Variants in KCTD2 observed in about 807,000 individuals in gnomAD.
KCTD2 encodes the protein BTB/POZ domain-containing protein KCTD2.
KCTD2 carries 18 observed loss-of-function variants against 27.9 expected under a neutral mutation model. The ratio of observed to expected loss-of-function variants is 0.64; its 90% CI spans 0.45 to 0.96. The LOEUF is 0.96. KCTD2 is among the 40% of genes least tolerant of loss of function. The pLI, the probability that KCTD2 is intolerant of heterozygous loss-of-function variation, is 0.00. For synonymous variants in KCTD2, 175 were observed against 148.4 expected, an observed-to-expected ratio of 1.18 and a Z score of -1.30; for missense variants, 280 against 348.0, an observed-to-expected ratio of 0.80 and a Z score of 1.56.
chr17:75,063,359 A>T lies in KCTD2; in HGVS notation c.*312A>T. 3 of 409,272 alleles carry T rather than the reference A, an allele frequency of 7.3e-6. No homozygotes were observed. In the Admixed American group the frequency reaches 1.1e-4, roughly 14 times the overall value. 25.4% of individuals were successfully genotyped at this position (409,272 alleles called of 1,614,324 possible). ...TCGGAGCCTTTCGGGGATCTGGGGGATGAGGGCGGAAGGCCTAGCTCCTTG... is the reference window on the plus strand; with the variant it reads ...TCGGAGCCTTTCGGGGATCTGGGGGTTGAGGGCGGAAGGCCTAGCTCCTTG... On this transcript the variant is annotated 3_prime_UTR_variant, in exon 6 of 6. Coordinates refer to ENST00000322444, the MANE Select transcript of KCTD2 (RefSeq NM_015353.3).
chr17:75,060,497 G>C, intron 4 of KCTD2: 1 of 1,612,216 alleles, frequency 6.2e-7, no homozygotes, highest in Non-Finnish European at 8.5e-7. Flanking sequence ...GAACTAACCA[G>C]ACAACAGCGC....
chr17:75,047,357 C>T lies in KCTD2; in HGVS notation c.107C>T (p.Pro36Leu), dbSNP rs929288679. 9.7e-6 allele frequency: 11 copies of T among 1,137,506 alleles called. No individual in the cohort carries two copies. The Admixed American group carries it at 4.4e-4, about 45-fold the overall frequency. 70.5% of individuals were successfully genotyped at this position (1,137,506 alleles called of 1,614,324 possible). Residue 36 changes from proline (P) to leucine (L), a missense_variant, in exon 1 of 6, where the codon CCG becomes CTG. Physicochemically the swap from Pro to Leu is moderately conservative, Grantham distance 98 (BLOSUM62 -3). Coordinates refer to ENST00000322444, the MANE Select transcript of KCTD2 (RefSeq NM_015353.3). Reference sequence around the variant, plus strand: ...GTCCGCGGGCCCCCCAGCCCACGCCCGGCTGGCCCCACGCCCCGCGGGCAC... The same window carrying T: ...GTCCGCGGGCCCCCCAGCCCACGCCTGGCTGGCCCCACGCCCCGCGGGCAC... Reference protein sequence around the residue: ...GPVRGPPSPRPAGPTPRGHGR... With the variant: ...GPVRGPPSPRLAGPTPRGHGR...
In KCTD2 at chr17:75,063,045, TA is replaced by T; in HGVS notation, c.*1del. 3.7e-6 allele frequency: 6 copies of T among 1,613,854 alleles called. No individual in the cohort carries two copies. Among genetic ancestry groups the T allele is most frequent in the Non-Finnish European group, 5.1e-6 (6 of 1,179,932 alleles). ...KILQERGSRM[*>X] ...TCTTCAGGAGAGAGGATCGCGGATG[TA>T]AACTAAGACCCCGAAAACTCCAGAC... On this transcript the variant is annotated frameshift_variant and stop_lost, in exon 6 of 6. Coordinates refer to ENST00000322444, the MANE Select transcript of KCTD2 (RefSeq NM_015353.3). LOFTEE classifies it high-confidence loss of function.
intron 3 of KCTD2, among the ~76,000 whole-genome samples, chr17:75,058,198 G>A (rs2073368473): frequency 6.6e-6 from 1 of 151,988 alleles, no homozygotes; most frequent in Non-Finnish European, 1.5e-5. Context: ...GTGGTGGGCG[G>A]CTGTAATCCC....
intron 3 of KCTD2, among the ~76,000 whole-genome samples, chr17:75,038,619 A>G (rs1213618997): frequency 6.6e-6 from 1 of 152,228 alleles, no homozygotes; most frequent in African/African-American, 2.4e-5. Flanking sequence ...GAAGAGAATC[A>G]GCAGATAACA....
chr17:75,037,850 C>G (rs747050476), intron 3 of KCTD2, among the ~76,000 whole-genome samples: 1 of 152,056 alleles, frequency 6.6e-6, no homozygotes, highest in African/African-American at 2.4e-5. Flanking sequence ...GAGATCGAGA[C>G]CATCCTGGCT....
intron 3 of KCTD2, chr17:75,039,399 G>A (rs1024053530): frequency 5.2e-6 from 4 of 775,282 alleles, no homozygotes; most frequent in Non-Finnish European, 6.4e-6. Flanking sequence ...TGGTTACCCT[G>A]AGTGGGGGCG....
chr17:75,042,355 T>C (rs2073170027), upstream of KCTD2: 3 of 1,535,242 alleles, frequency 2.0e-6, no homozygotes, highest in Admixed American at 1.7e-5. Context: ...CTATCCCTTC[T>C]TCCTATGGCC....
upstream of KCTD2, chr17:75,042,351 C>T: frequency 6.5e-7 from 1 of 1,549,214 alleles, no homozygotes; most frequent in Non-Finnish European, 8.8e-7. Context: ...TTTCCTATCC[C>T]TTCTTCCTAT....
chr17:75,062,558 T>C (rs2073414647), intron 5 of KCTD2, among the ~76,000 whole-genome samples: 1 of 148,116 alleles, frequency 6.8e-6, no homozygotes, highest in Non-Finnish European at 1.5e-5. Context: ...ACTTGGAAGG[T>C]ATTTTGATTT....
chr17:75,036,458 C>T (rs117363271), intron 3 of KCTD2, among the ~76,000 whole-genome samples: 1,944 of 152,270 alleles, frequency 0.013, 22 homozygotes, highest in Non-Finnish European at 0.021. Context: ...GCATGTACAA[C>T]GCAAAAATGC....
chr17:75,033,445 CT>C (rs1190972696), intron 1 of KCTD2, among the ~76,000 whole-genome samples: 1 of 151,918 alleles, frequency 6.6e-6, no homozygotes, highest in East Asian at 1.9e-4. Context: ...CTTGTTCCCC[CT>C]GGTTGTACAT....
intron 3 of KCTD2, among the ~76,000 whole-genome samples, chr17:75,037,112 A>G (rs1022050783): frequency 1.3e-5 from 2 of 152,192 alleles, no homozygotes; most frequent in African/African-American, 4.8e-5. Context: ...TGGGAGGCCA[A>G]GGCGGGCAGA....
chr17:75,033,828 G>A (rs551769692), intron 1 of KCTD2, among the ~76,000 whole-genome samples: 1 of 152,320 alleles, frequency 6.6e-6, no homozygotes, highest in African/African-American at 2.4e-5. Flanking sequence ...TCCATGGATC[G>A]CGCCTCTGTC....
upstream of KCTD2, among the ~76,000 whole-genome samples, chr17:75,044,159 G>T (rs1399238710): frequency 1.3e-5 from 2 of 149,172 alleles, no homozygotes; most frequent in Non-Finnish European, 2.9e-5. Context: ...GGAGTAGCTG[G>T]GATTACAGGC....
chr17:75,053,179 A>G, intron 3 of KCTD2, 74 bp downstream of exon 3: 1 of 1,174,350 alleles, frequency 8.5e-7, no homozygotes, highest in South Asian at 1.3e-5. Flanking sequence ...TTTGAAAAGG[A>G]TGCCTTTACC....
chr17:75,050,416 C>G (rs1214955130), intron 2 of KCTD2, among the ~76,000 whole-genome samples: 3 of 152,138 alleles, frequency 2.0e-5, no homozygotes, highest in Non-Finnish European at 4.4e-5. Context: ...CGTGCACCAC[C>G]ATGCTTGACT....
At position 75,037,710 on chromosome 17, in the gene KCTD2, T is replaced by G. The variant is rs115756741; in HGVS notation, c.-259+2353T>G. Among the ~76,000 whole-genome samples, 964 of 152,324 alleles carry G rather than the reference T, an allele frequency of 6.3e-3. 10 individuals carry two copies. The highest frequency in any genetic ancestry group is 0.022 in the African/African-American group (896 of 41,566). On this transcript the variant is annotated intron_variant, in intron 3 of 7. Transcript: ENST00000581589. ...ATTGCCTGACGTTGCTCAGGTCTGC[T>G]AACCATAGTAAATAGTGGGGATTTT...
intron 3 of KCTD2, among the ~76,000 whole-genome samples, chr17:75,057,270 A>G (rs553983652): frequency 5.9e-4 from 89 of 151,940 alleles, no homozygotes; most frequent in African/African-American, 2.0e-3. Flanking sequence ...TTCTTAGAAT[A>G]GTATTTTTTG....
Sources: allele counts gnomAD v4.1 joint callset (sites outside exome capture counted in the v4.1 genomes callset), GRCh38; gene constraint gnomAD v4.1.1; transcripts MANE v1.5; gene names NCBI Gene and HGNC (gene_info 2026-07-23, HGNC 2026-07-21).